TMPRSS15: variants seen among roughly 807,000 people sequenced by gnomAD.
The protein encoded by TMPRSS15 is transmembrane serine protease 15.
A neutral mutation model predicts 125.3 loss-of-function variants in TMPRSS15; 128 were observed. That is an observed-to-expected ratio of 1.02 (90% CI 0.89 to 1.18). The LOEUF is 1.18. TMPRSS15 is among the 50% of genes most tolerant of loss of function. TMPRSS15 has a pLI of 0.00. For synonymous variants in TMPRSS15, 446 were observed against 423.2 expected (o/e 1.05, Z -0.66); for missense variants, 1,283 against 1,212.7 (o/e 1.06, Z -0.86).
chr21:18,300,711 A>T (rs1286100560), intron 18 of TMPRSS15, among the ~76,000 whole-genome samples: 2 of 152,244 alleles, frequency 1.3e-5, no homozygotes, highest in Admixed American at 6.5e-5. Context: ...ACAAGTATTT[A>T]AAAATTATTT....
In TMPRSS15 at chr21:18,280,593, A is replaced by AAAAAAAAAAAAC. The variant is rs1267521488; in HGVS notation, c.2668+446_2668+447insGTTTTTTTTTTT. Among the ~76,000 whole-genome samples, 24 of 143,670 alleles carry AAAAAAAAAAAAC rather than the reference A, an allele frequency of 1.7e-4. 2 individuals carry two copies. The highest frequency in any genetic ancestry group is 6.5e-4 in the African/African-American group (23 of 35,590). 94.3% of individuals were successfully genotyped at this position (143,670 alleles called of 152,430 possible). A position where few individuals can be genotyped will look rare whatever the true frequency, so the allele number is the denominator to read the frequency against. ...TCCGTCTCAAAAAAAAAAAAAAAAA[A>AAAAAAAAAAAAC]AACAACAAAACAACAAAAAACCAAA... On this transcript the variant is annotated intron_variant, in intron 22 of 24. Coordinates refer to ENST00000284885, the MANE Select transcript of TMPRSS15 (RefSeq NM_002772.3).
chr21:18,306,224 CAGAA>C (rs1487062212), intron 18 of TMPRSS15, among the ~76,000 whole-genome samples: 1 of 151,960 alleles, frequency 6.6e-6, no homozygotes, highest in African/African-American at 2.4e-5. Flanking sequence ...GGGACATTGG[CAGAA>C]AATATGAACA....
intron 5 of TMPRSS15, 22 bp downstream of exon 5, chr21:18,379,255 AAATAAT>A: frequency 1.7e-6 from 2 of 1,208,594 alleles, no homozygotes; most frequent in Non-Finnish European, 2.2e-6. Context: ...TTCTTTCAAA[AAATAAT>A]AATAATATTA....
At chr21:18,378,491 C>T (rs1419811538) in intron 5 of TMPRSS15, among the ~76,000 whole-genome samples, 1 of 152,080 alleles carries the variant, frequency 6.6e-6, no homozygotes, top group Non-Finnish European at 1.5e-5. Flanking sequence ...ATTACACCAA[C>T]AATTTTTATG....
rs1031180642 is a variant in TMPRSS15 at position 18,365,835 on chromosome 21, A to G, written c.665-587T>C. 3.4e-5 allele frequency among the ~76,000 whole-genome samples: 5 copies of G among 148,364 alleles called. No homozygotes were observed. In the Admixed American group the frequency reaches 3.4e-4, roughly 10 times the overall value. On this transcript the variant is annotated intron_variant, in intron 6 of 24. Transcript: ENST00000284885. ...CTCGGCTCACTGCCTCCTGTGTTCAAGTGATTCTCCTGCCTCAGCCTCCGG... is the reference window on the plus strand; with the variant it reads ...CTCGGCTCACTGCCTCCTGTGTTCAGGTGATTCTCCTGCCTCAGCCTCCGG...
intron 16 of TMPRSS15, among the ~76,000 whole-genome samples, chr21:18,316,214 CAG>C (rs1207899086): frequency 1.3e-5 from 2 of 152,034 alleles, no homozygotes; most frequent in African/African-American, 4.8e-5. Context: ...CAGCAAAACT[CAG>C]GGAATTTCTA....
chr21:18,380,187 A>ACT (rs1297346824), intron 4 of TMPRSS15, among the ~76,000 whole-genome samples: 3 of 151,522 alleles, frequency 2.0e-5, no homozygotes, highest in African/African-American at 7.3e-5. Flanking sequence ...ACACACACAC[A>ACT]CACACACACA....
At chr21:18,280,585 A>AACAAACAAAC (rs2074683137) in intron 22 of TMPRSS15, among the ~76,000 whole-genome samples, 1 of 148,302 alleles carries the variant, frequency 6.7e-6, no homozygotes, top group African/African-American at 2.6e-5. Flanking sequence ...CAAAAAAAAA[A>AACAAACAAAC]AAAAAAAAAA....
chr21:18,323,593 A>G (rs1246159280), intron 16 of TMPRSS15, among the ~76,000 whole-genome samples: 2 of 152,010 alleles, frequency 1.3e-5, no homozygotes, highest in East Asian at 3.8e-4. Flanking sequence ...AATTATTTCA[A>G]TTGTTTGGAT....
chr21:18,383,708 C>A lies in TMPRSS15; in HGVS notation c.415G>T (p.Glu139Ter). The A allele has an allele frequency of 1.2e-6, 2 of 1,613,872 alleles. No homozygotes were observed. The highest frequency in any genetic ancestry group is 1.7e-6 in the Non-Finnish European group (2 of 1,179,904). The change falls in exon 4 of 25, where the codon GAA becomes TAA. Residue 139 changes from glutamate to a stop codon, truncating the protein, a stop_gained. Transcript: ENST00000284885. LOFTEE classifies it high-confidence loss of function. Reference sequence around the variant, plus strand: ...TTTGCTTCAAGGCCTTGAATCAGTTCTTCTTTTACATTTTCATCTGACACC... The same window carrying A: ...TTTGCTTCAAGGCCTTGAATCAGTTATTCTTTTACATTTTCATCTGACACC... ...QWVSDENVKE[E>*]LIQGLEANKS...
chr21:18,319,498 G>A (rs1053273912), intron 16 of TMPRSS15, among the ~76,000 whole-genome samples: 2 of 142,296 alleles, frequency 1.4e-5, no homozygotes, highest in Admixed American at 7.7e-5. Context: ...GCGCCATCTC[G>A]GCTCACTGAA....
intron 1 of TMPRSS15, among the ~76,000 whole-genome samples, chr21:18,420,077 T>C (rs1416887787): frequency 6.6e-6 from 1 of 152,176 alleles, no homozygotes; most frequent in African/African-American, 2.4e-5. Flanking sequence ...TTTAAAAATA[T>C]GTATAGGAAA....
At chr21:18,480,440 T>C (rs948081949) in intron 1 of TMPRSS15, among the ~76,000 whole-genome samples, 11 of 151,954 alleles carry the variant, frequency 7.2e-5, no homozygotes, top group Non-Finnish European at 2.9e-5. Context: ...AGTGAGATTA[T>C]GTCATGTTAA....
At chr21:18,404,942 G>T (rs1210012712), upstream of TMPRSS15, among the ~76,000 whole-genome samples, 1 of 151,904 alleles carries the variant, frequency 6.6e-6, no homozygotes, top group East Asian at 1.9e-4. Context: ...TGAAATCAGA[G>T]ACACCACTTA....
At chr21:18,375,650 C>T (rs1434033002) in intron 5 of TMPRSS15, among the ~76,000 whole-genome samples, 1 of 152,130 alleles carries the variant, frequency 6.6e-6, no homozygotes, top group Non-Finnish European at 1.5e-5. Flanking sequence ...ATTTTACCTT[C>T]AGGACACTAA....
intron 18 of TMPRSS15, among the ~76,000 whole-genome samples, chr21:18,298,913 A>G (rs1026390080): frequency 6.6e-6 from 1 of 152,228 alleles, no homozygotes; most frequent in Non-Finnish European, 1.5e-5. Context: ...AACTATTTAG[A>G]AAGTGGTTCT....
At chr21:18,273,605 G>T (rs969229746) in intron 24 of TMPRSS15, among the ~76,000 whole-genome samples, 1 of 152,114 alleles carries the variant, frequency 6.6e-6, no homozygotes, top group Admixed American at 6.6e-5. Context: ...AATAGCATCA[G>T]CCGTCATATT....
At chr21:18,345,736 G>A (rs2075500199) in intron 10 of TMPRSS15, among the ~76,000 whole-genome samples, 1 of 1,618 alleles carries the variant, frequency 6.2e-4, no homozygotes, top group East Asian at 0.17. Context: ...GTGAGACTCC[G>A]TCTCAAAAAA....
intron 21 of TMPRSS15, among the ~76,000 whole-genome samples, chr21:18,289,071 G>A (rs2074802064): frequency 6.6e-6 from 1 of 152,080 alleles, no homozygotes; most frequent in Non-Finnish European, 1.5e-5. Context: ...TCTGCTTAAA[G>A]CATGAGACAT....
Sources: gnomAD v4.1 joint callset for allele counts (sites outside exome capture counted in the v4.1 genomes callset) on GRCh38, gnomAD v4.1.1 for gene constraint, MANE v1.5 for transcripts, NCBI Gene and HGNC (gene_info 2026-07-23, HGNC 2026-07-21) for gene names.